The following TAFA1 variants were observed in gnomAD, a reference collection of about 807,000 sequenced individuals.
The protein encoded by TAFA1 is TAFA chemokine like family member 1.
In TAFA1, 4 loss-of-function variants were observed where a neutral mutation model predicts 18.5. The observed-to-expected ratio is 0.22, with a 90% CI of 0.11 to 0.49. The LOEUF is 0.49. Among genes scored for constraint, TAFA1 ranks in the 20% least tolerant of loss-of-function variants. TAFA1 has a pLI of 0.98. For synonymous variants in TAFA1, 56 were observed against 55.2 expected (o/e 1.01, Z -0.06); for missense variants, 147 against 169.0 (o/e 0.87, Z 0.72).
At chr3:68,071,940 C>G (rs575145129) in intron 2 of TAFA1, among the ~76,000 whole-genome samples, 32 of 152,238 alleles carry the variant, frequency 2.1e-4, no homozygotes, top group Non-Finnish European at 3.7e-4. Context: ...CCACCAGACC[C>G]CACCTCCAGT....
chr3:68,388,217 A>G (rs1290113284), intron 2 of TAFA1, among the ~76,000 whole-genome samples: 1 of 152,160 alleles, frequency 6.6e-6, no homozygotes, highest in Non-Finnish European at 1.5e-5. Flanking sequence ...GGGACATGGC[A>G]TTGAGTGAAC....
At chr3:68,205,622 T>C (rs1174876540) in intron 2 of TAFA1, among the ~76,000 whole-genome samples, 1 of 151,844 alleles carries the variant, frequency 6.6e-6, no homozygotes, top group African/African-American at 2.4e-5. Context: ...AAAACGTCCC[T>C]AGATGATCTT....
At chr3:68,023,972 T>G (rs1478904162) in intron 2 of TAFA1, among the ~76,000 whole-genome samples, 1 of 152,180 alleles carries the variant, frequency 6.6e-6, no homozygotes, top group Non-Finnish European at 1.5e-5. Flanking sequence ...CCTTCTCATT[T>G]GTGAATCTAA....
chr3:68,209,608 G>T (rs2066570766), intron 2 of TAFA1, among the ~76,000 whole-genome samples: 1 of 151,994 alleles, frequency 6.6e-6, no homozygotes, highest in Non-Finnish European at 1.5e-5. Context: ...GTTTCAGCCT[G>T]TGATTTTCTG....
intron 3 of TAFA1, among the ~76,000 whole-genome samples, chr3:68,434,098 T>C (rs193267031): frequency 6.6e-6 from 1 of 152,188 alleles, no homozygotes; most frequent in African/African-American, 2.4e-5. Context: ...ATGTTTTTAA[T>C]GTTATAGAGG....
chr3:68,083,570 A>G (rs1285457626), intron 2 of TAFA1, among the ~76,000 whole-genome samples: 1 of 152,212 alleles, frequency 6.6e-6, no homozygotes, highest in Non-Finnish European at 1.5e-5. Flanking sequence ...GTTTATGGTC[A>G]CTAGGCCTAT....
chr3:68,408,290 G>A (rs1380696044), intron 2 of TAFA1, among the ~76,000 whole-genome samples: 2 of 152,126 alleles, frequency 1.3e-5, no homozygotes. Context: ...CTATTAATGA[G>A]AACTGGGGTT....
At chr3:68,116,311 A>G (rs575253585) in intron 2 of TAFA1, among the ~76,000 whole-genome samples, 123 of 152,264 alleles carry the variant, frequency 8.1e-4, no homozygotes, top group African/African-American at 2.7e-3. Flanking sequence ...AGAAATCCTT[A>G]AAGATTAACA....
At chr3:68,273,510 G>C (rs2067717942) in intron 2 of TAFA1, among the ~76,000 whole-genome samples, 1 of 152,154 alleles carries the variant, frequency 6.6e-6, no homozygotes, top group South Asian at 2.1e-4. Flanking sequence ...AAGGAAGCTT[G>C]GGTTTGACAA....
chr3:68,164,378 C>G (rs2106945253), intron 2 of TAFA1, among the ~76,000 whole-genome samples: 1 of 152,306 alleles, frequency 6.6e-6, no homozygotes, highest in South Asian at 2.1e-4. Context: ...GTAACTTATG[C>G]TATCACCTGA....
intron 2 of TAFA1, among the ~76,000 whole-genome samples, chr3:68,354,125 T>C (rs1372412432): frequency 6.7e-6 from 1 of 150,292 alleles, no homozygotes; most frequent in Non-Finnish European, 1.5e-5. Flanking sequence ...AACTAGACTC[T>C]ACATTTTATT....
At chr3:68,068,923 A>G (rs2064717588) in intron 2 of TAFA1, among the ~76,000 whole-genome samples, 1 of 152,222 alleles carries the variant, frequency 6.6e-6, no homozygotes, top group African/African-American at 2.4e-5. Flanking sequence ...TTGTATGTGC[A>G]TAGACTCTAA....
At chr3:68,339,487 G>T (rs983414802) in intron 2 of TAFA1, among the ~76,000 whole-genome samples, 9 of 152,098 alleles carry the variant, frequency 5.9e-5, no homozygotes, top group Non-Finnish European at 1.0e-4. Context: ...TTTATTTTTT[G>T]AAGACATTAT....
chr3:68,521,948 T>A (rs1160524361), intron 3 of TAFA1, among the ~76,000 whole-genome samples: 1 of 133,020 alleles, frequency 7.5e-6, no homozygotes, highest in Non-Finnish European at 1.5e-5. Context: ...CAGCCTCAAA[T>A]GATCCTCCTG....
chr3:68,393,114 TA>T (rs1292899665), intron 2 of TAFA1, among the ~76,000 whole-genome samples: 12 of 151,136 alleles, frequency 7.9e-5, no homozygotes, highest in Non-Finnish European at 1.8e-4. Flanking sequence ...GCCAGACTAA[TA>T]AGAACAGAGA....
At chr3:68,285,172 A>C (rs2067973159) in intron 2 of TAFA1, among the ~76,000 whole-genome samples, 2 of 152,210 alleles carry the variant, frequency 1.3e-5, no homozygotes, top group African/African-American at 4.8e-5. Flanking sequence ...AAGCAAGGCA[A>C]AAAGAGTTAT....
intron 3 of TAFA1, among the ~76,000 whole-genome samples, chr3:68,512,462 A>G (rs528072452): frequency 7.9e-5 from 12 of 152,272 alleles, no homozygotes; most frequent in African/African-American, 2.6e-4. Context: ...TCCTATTACC[A>G]TCTTGCATAT....
chr3:68,068,486 T>A (rs2106742254), intron 2 of TAFA1, among the ~76,000 whole-genome samples: 1 of 152,336 alleles, frequency 6.6e-6, no homozygotes, highest in Non-Finnish European at 1.5e-5. Flanking sequence ...CTTTTAAATC[T>A]TTAATCACCC....
At chr3:68,346,255 C>T (rs1010021166) in intron 2 of TAFA1, among the ~76,000 whole-genome samples, 3 of 152,130 alleles carry the variant, frequency 2.0e-5, no homozygotes, top group South Asian at 4.1e-4. Flanking sequence ...CTCCTAAGCT[C>T]AGGTGATCCT....
Sources: allele counts gnomAD v4.1 joint callset (sites outside exome capture counted in the v4.1 genomes callset), GRCh38; gene constraint gnomAD v4.1.1; transcripts MANE v1.5; gene names NCBI Gene and HGNC (gene_info 2026-07-23, HGNC 2026-07-21).